Variants in APP observed in about 807,000 individuals in gnomAD.
The protein encoded by APP is amyloid beta precursor protein, also known as amyloid-beta precursor protein.
In APP, 31 loss-of-function variants were observed where a neutral mutation model predicts 101.4. The ratio of observed to expected loss-of-function variants is 0.31; its 90% CI spans 0.23 to 0.41. The LOEUF is 0.41. Ranked by LOEUF, APP falls within the 10% of genes least tolerant of loss-of-function variation. The probability of loss-of-function intolerance (pLI) is 1.00; values close to 1 mark genes in which losing one functional copy is unlikely to be tolerated. For missense variants in APP, 839 were observed against 1,003.7 expected, an observed-to-expected ratio of 0.84 and a Z score of 2.22; for synonymous variants, 366 against 364.4, an observed-to-expected ratio of 1.00 and a Z score of -0.05.
intron 1 of APP, among the ~76,000 whole-genome samples, chr21:26,131,061 C>T (rs1450813983): frequency 6.6e-6 from 1 of 152,026 alleles, no homozygotes; most frequent in African/African-American, 2.4e-5. Flanking sequence ...GAAACCCCTT[C>T]TCTACTAAAA....
intron 3 of APP, among the ~76,000 whole-genome samples, chr21:26,080,767 C>G (rs931127508): frequency 2.8e-5 from 4 of 141,168 alleles, no homozygotes; most frequent in South Asian, 2.3e-4. Flanking sequence ...TAGACTCTAT[C>G]TCAAAAAAAA....
intron 3 of APP, among the ~76,000 whole-genome samples, chr21:26,083,030 A>C (rs1435566980): frequency 6.6e-6 from 1 of 152,200 alleles, no homozygotes; most frequent in Non-Finnish European, 1.5e-5. Flanking sequence ...TTACTCTATC[A>C]ATAAAAAAAT....
chr21:25,914,794 C>G (rs1423366521), intron 13 of APP, among the ~76,000 whole-genome samples: 1 of 152,134 alleles, frequency 6.6e-6, no homozygotes, highest in African/African-American at 2.4e-5. Context: ...ACTTCGTGAT[C>G]CGCCCGCCTC....
intron 3 of APP, among the ~76,000 whole-genome samples, chr21:26,072,770 T>C (rs1346299409): frequency 2.0e-5 from 3 of 152,242 alleles, no homozygotes; most frequent in Non-Finnish European, 4.4e-5. Flanking sequence ...TAATTAGTTC[T>C]CTGCATAAAA....
intron 1 of APP, among the ~76,000 whole-genome samples, chr21:26,121,868 T>C (rs2062579984): frequency 1.3e-5 from 2 of 152,252 alleles, no homozygotes; most frequent in East Asian, 3.9e-4. Flanking sequence ...CCCACTGCAA[T>C]GTTGACCCAC....
intron 13 of APP, among the ~76,000 whole-genome samples, chr21:25,917,403 C>A (rs2039406308): frequency 6.6e-6 from 1 of 151,942 alleles, no homozygotes; most frequent in Non-Finnish European, 1.5e-5. Context: ...CATCTTCAAA[C>A]AGCTAAATAT....
intron 1 of APP, among the ~76,000 whole-genome samples, chr21:26,153,416 A>G (rs929559637): frequency 6.6e-6 from 1 of 152,190 alleles, no homozygotes; most frequent in Admixed American, 6.5e-5. Context: ...TTAAAGGTAT[A>G]TAAGACAGCT....
intron 13 of APP, among the ~76,000 whole-genome samples, chr21:25,952,058 C>T (rs954162913): frequency 1.3e-5 from 2 of 151,828 alleles, no homozygotes; most frequent in Admixed American, 1.3e-4. Flanking sequence ...ATGGAAGCAC[C>T]CAGGATTCCA....
rs1491281928 is a variant in APP, at chr21:26,062,228, CAA to C, written c.356-8882_356-8881del. Among the ~76,000 whole-genome samples the C allele has an allele frequency of 1.7e-3, 205 of 123,610 alleles. 1 individual carries two copies. Among genetic ancestry groups the C allele is most frequent in the Middle Eastern group, 0.011 (3 of 270 alleles). The allele number at this position is 123,610 out of a possible 152,430, so 81.1% of individuals were successfully genotyped here. On this transcript the variant is annotated intron_variant, in intron 3 of 17. Transcript: ENST00000346798. ...CTGTCTCAAAAAACAAACAAACAAA[CAA>C]ACACACACACACACACACACACACA...
chr21:26,077,403 G>A (rs2061517966), intron 3 of APP, among the ~76,000 whole-genome samples: 2 of 152,040 alleles, frequency 1.3e-5, no homozygotes, highest in Admixed American at 6.5e-5. Context: ...CTGCCAGAAC[G>A]CTCATACTTA....
intron 16 of APP, among the ~76,000 whole-genome samples, chr21:25,895,301 G>T (rs147618536): frequency 0.016 from 2,400 of 152,000 alleles, 64 homozygotes; most frequent in African/African-American, 0.054. Flanking sequence ...GAGTAGCTGG[G>T]ACTACAGGCA....
At chr21:25,904,744 T>TAAAG (rs2038696717) in intron 15 of APP, among the ~76,000 whole-genome samples, 1 of 150,756 alleles carries the variant, frequency 6.6e-6, no homozygotes, top group East Asian at 1.9e-4. Context: ...TTGTTTGTTT[T>TAAAG]AAAGAAAAAA....
intron 6 of APP, among the ~76,000 whole-genome samples, chr21:26,007,731 T>C (rs569500709): frequency 7.0e-4 from 107 of 152,158 alleles, no homozygotes; most frequent in Non-Finnish European, 1.4e-3. Flanking sequence ...GCCAACACAA[T>C]AGAAAACTGG....
intron 13 of APP, among the ~76,000 whole-genome samples, chr21:25,940,985 C>A (rs2040552231): frequency 6.6e-6 from 1 of 152,196 alleles, no homozygotes; most frequent in Admixed American, 6.5e-5. Flanking sequence ...TGGAGAACCA[C>A]AGCTCTGAAA....
rs2038720220 is a variant in APP at position 25,905,086 on chromosome 21, A to G, written c.1910-9T>C. On this transcript the variant is annotated splice_polypyrimidine_tract_variant and intron_variant, in intron 14 of 17. Coordinates refer to ENST00000346798, the MANE Select transcript of APP (RefSeq NM_000484.4). ...GGCATCAACAGGCTCAACTGGGCAC[A>G]GGAAGCAAGGGACACAGAAAGCAAA... 2.5e-6 allele frequency: 4 copies of G among 1,613,148 alleles called. No individual in the cohort carries two copies. In the East Asian group the frequency reaches 8.9e-5, roughly 36 times the overall value.
chr21:26,165,783 T>G (rs2063594905), intron 1 of APP, among the ~76,000 whole-genome samples: 1 of 152,200 alleles, frequency 6.6e-6, no homozygotes, highest in African/African-American at 2.4e-5. Flanking sequence ...AATGATCTCT[T>G]AGGTTTCTAT....
At chr21:26,071,353 T>G (rs749273392) in intron 3 of APP, among the ~76,000 whole-genome samples, 1 of 152,076 alleles carries the variant, frequency 6.6e-6, no homozygotes, top group Non-Finnish European at 1.5e-5. Context: ...CCATCTTCAG[T>G]TTCCCTCTCC....
At chr21:26,146,554 G>GATTTTATATACAT (rs1266300369) in intron 1 of APP, among the ~76,000 whole-genome samples, 30 of 152,102 alleles carry the variant, frequency 2.0e-4, no homozygotes, top group African/African-American at 6.3e-4. Flanking sequence ...CATCCACACT[G>GATTTTATATACAT]AAATATTTAT....
intron 2 of APP, among the ~76,000 whole-genome samples, chr21:26,097,993 T>C (rs911673709): frequency 2.8e-5 from 4 of 141,408 alleles, no homozygotes; most frequent in African/African-American, 8.0e-5. Flanking sequence ...GGCAGGAGAA[T>C]GGCGTGAACC....
Sources: gnomAD v4.1 joint callset for allele counts (sites outside exome capture counted in the v4.1 genomes callset) on GRCh38, gnomAD v4.1.1 for gene constraint, MANE v1.5 for transcripts, NCBI Gene and HGNC (gene_info 2026-07-23, HGNC 2026-07-21) for gene names.